LRRTM4: variants seen among roughly 807,000 people sequenced by gnomAD.
LRRTM4 encodes the protein leucine rich repeat transmembrane neuronal 4, also known as leucine-rich repeat transmembrane neuronal protein 4.
In LRRTM4, 25 loss-of-function variants were observed where a neutral mutation model predicts 47.6. The ratio of observed to expected loss-of-function variants is 0.53; its 90% CI spans 0.38 to 0.73. LRRTM4 has a LOEUF of 0.73. LRRTM4 is among the 30% of genes least tolerant of loss of function. The pLI is 0.00. For missense variants in LRRTM4, 638 were observed against 713.4 expected, an observed-to-expected ratio of 0.89 and a Z score of 1.20; for synonymous variants, 311 against 269.5, an observed-to-expected ratio of 1.15 and a Z score of -1.51.
chr2:77,110,615 A>C (rs950647599), intron 3 of LRRTM4, among the ~76,000 whole-genome samples: 8 of 152,172 alleles, frequency 5.3e-5, no homozygotes, highest in Non-Finnish European at 1.2e-4. Flanking sequence ...ATTTGTTCAT[A>C]TTGAAATCAG....
chr2:77,038,235 G>C (rs1678901780), intron 3 of LRRTM4, among the ~76,000 whole-genome samples: 1 of 151,448 alleles, frequency 6.6e-6, no homozygotes, highest in African/African-American at 2.4e-5. Flanking sequence ...AAAGAGTCAA[G>C]GCCATGGTTT....
rs577264008 is a variant in LRRTM4 at position 76,954,668 on chromosome 2, G to C, written c.1552-205752C>G. ...TGGTCTGAAATCTGGGGAAAGAAATGAAAGTCCAGATTTGAAAAACCCAGT... is the reference window on the plus strand; with the variant it reads ...TGGTCTGAAATCTGGGGAAAGAAATCAAAGTCCAGATTTGAAAAACCCAGT... On this transcript the variant is annotated intron_variant, in intron 3 of 3. Transcript: ENST00000409884. Among the ~76,000 whole-genome samples, 34 of 151,852 alleles carry C rather than the reference G, an allele frequency of 2.2e-4. 1 individual carries two copies. The South Asian group carries it at 5.8e-3, about 26-fold the overall frequency.
chr2:76,976,888 T>C (rs958301146), intron 3 of LRRTM4, among the ~76,000 whole-genome samples: 6 of 151,870 alleles, frequency 4.0e-5, no homozygotes, highest in South Asian at 2.1e-4. Flanking sequence ...GTGATAGCTA[T>C]GCTAATGACC....
At chr2:77,251,031 A>G (rs1675589721) in intron 3 of LRRTM4, among the ~76,000 whole-genome samples, 1 of 151,850 alleles carries the variant, frequency 6.6e-6, no homozygotes, top group South Asian at 2.1e-4. Context: ...TGAACCTGGG[A>G]GGTGGAGGTT....
At chr2:77,255,456 CAGG>C (rs1191628512) in intron 3 of LRRTM4, among the ~76,000 whole-genome samples, 2 of 151,998 alleles carry the variant, frequency 1.3e-5, no homozygotes, top group Non-Finnish European at 2.9e-5. Context: ...TACCCATCAA[CAGG>C]AGATTACATA....
chr2:77,107,838 A>G (rs56981391), intron 3 of LRRTM4, among the ~76,000 whole-genome samples: 53,022 of 140,908 alleles, frequency 0.38, 11,757 homozygotes, highest in East Asian at 0.71. Flanking sequence ...AAAAAAAAAG[A>G]AAGAAAGAAA....
intron 3 of LRRTM4, among the ~76,000 whole-genome samples, chr2:77,294,829 A>C (rs893739608): frequency 3.3e-5 from 5 of 152,186 alleles, no homozygotes; most frequent in African/African-American, 1.2e-4. Flanking sequence ...CTGGAAAAGA[A>C]TTGAGCTCAG....
intron 3 of LRRTM4, among the ~76,000 whole-genome samples, chr2:76,882,755 G>T (rs979611769): frequency 6.6e-6 from 1 of 152,102 alleles, no homozygotes; most frequent in South Asian, 2.1e-4. Flanking sequence ...CCAGGAGGGA[G>T]TTTACTTTTT....
In LRRTM4 at chr2:77,292,900, C is replaced by T. The variant is rs933854644; in HGVS notation, c.1551+225418G>A. ...TAAAAAATAAATAAAACACATCACT[C>T]GTTAATAGCAGAATTAGAAACCTAA... is the stretch of plus-strand genomic sequence containing the variant. On this transcript the variant is annotated intron_variant, in intron 3 of 3. Coordinates refer to ENST00000409884, the MANE Select transcript of LRRTM4 (RefSeq NM_001134745.3). Among the ~76,000 whole-genome samples, 6 of 151,374 alleles carry T rather than the reference C, an allele frequency of 4.0e-5. No individual in the cohort carries two copies. The East Asian group carries it at 5.8e-4, about 15-fold the overall frequency.
At chr2:77,178,854 C>T (rs976131340) in intron 3 of LRRTM4, among the ~76,000 whole-genome samples, 9 of 152,144 alleles carry the variant, frequency 5.9e-5, no homozygotes, top group South Asian at 4.1e-4. Context: ...AATTTTAAAA[C>T]GTGATTCATA....
chr2:77,147,990 T>A (rs1489487077), intron 3 of LRRTM4, among the ~76,000 whole-genome samples: 6 of 152,164 alleles, frequency 3.9e-5, no homozygotes. Context: ...TTACTATCCA[T>A]AATGGAAAAA....
chr2:77,485,824 G>C (rs1269379656), intron 3 of LRRTM4, among the ~76,000 whole-genome samples: 1 of 152,076 alleles, frequency 6.6e-6, no homozygotes, highest in Admixed American at 6.6e-5. Context: ...TAGACTTCTT[G>C]GGCTCAGGTG....
At chr2:77,151,094 A>C (rs1672405929) in intron 3 of LRRTM4, among the ~76,000 whole-genome samples, 2 of 152,010 alleles carry the variant, frequency 1.3e-5, no homozygotes, top group Non-Finnish European at 2.9e-5. Flanking sequence ...CAATCAAGGT[A>C]ATAGACTAGA....
At chr2:76,790,701 C>A (rs190334784) in intron 3 of LRRTM4, among the ~76,000 whole-genome samples, 7 of 149,194 alleles carry the variant, frequency 4.7e-5, no homozygotes, top group East Asian at 4.0e-4. Context: ...TTGGATAGAC[C>A]CCCCCCCACC....
chr2:76,814,749 A>G (rs1383853819), intron 3 of LRRTM4, among the ~76,000 whole-genome samples: 2 of 151,952 alleles, frequency 1.3e-5, no homozygotes, highest in Non-Finnish European at 2.9e-5. Context: ...ACAGATACAA[A>G]GGGATGACTG....
chr2:77,059,698 A>C (rs1679723932), intron 3 of LRRTM4, among the ~76,000 whole-genome samples: 1 of 152,218 alleles, frequency 6.6e-6, no homozygotes, highest in African/African-American at 2.4e-5. Context: ...GTACAATAGG[A>C]AAGCTGAAAG....
intron 3 of LRRTM4, among the ~76,000 whole-genome samples, chr2:77,147,334 C>G (rs138105422): frequency 2.3e-3 from 357 of 152,246 alleles, no homozygotes; most frequent in Middle Eastern, 3.4e-3. Flanking sequence ...TGACTCAGCT[C>G]AGACAATAAA....
intron 3 of LRRTM4, among the ~76,000 whole-genome samples, chr2:77,082,109 C>G (rs1680552349): frequency 2.0e-5 from 3 of 152,016 alleles, no homozygotes. Context: ...ACAAGTAGAT[C>G]CAAGAAGAAT....
chr2:77,508,167 G>GTA (rs1678850727), intron 3 of LRRTM4, among the ~76,000 whole-genome samples: 1 of 152,086 alleles, frequency 6.6e-6, no homozygotes, highest in Non-Finnish European at 1.5e-5. Flanking sequence ...TATGAAAAAT[G>GTA]TATACTGTTA....
Sources: gnomAD v4.1 joint callset for allele counts (sites outside exome capture counted in the v4.1 genomes callset) on GRCh38, gnomAD v4.1.1 for gene constraint, MANE v1.5 for transcripts, NCBI Gene and HGNC (gene_info 2026-07-23, HGNC 2026-07-21) for gene names.